Variants in ADGRL3 observed in about 807,000 individuals in gnomAD.
The protein encoded by ADGRL3 is calcium-independent alpha-latrotoxin receptor 3.
A neutral mutation model predicts 153.5 loss-of-function variants in ADGRL3; 62 were observed. That is an observed-to-expected ratio of 0.40 (90% CI 0.33 to 0.50). The LOEUF (loss-of-function observed/expected upper bound fraction) is 0.50. Ranked by LOEUF, ADGRL3 falls within the 20% of genes least tolerant of loss-of-function variation. The probability of loss-of-function intolerance (pLI) is 0.47; values close to 1 mark genes in which losing one functional copy is unlikely to be tolerated. For synonymous variants in ADGRL3, 710 were observed against 672.5 expected, an observed-to-expected ratio of 1.06 and a Z score of -0.86; for missense variants, 1,641 against 1,859.4, an observed-to-expected ratio of 0.88 and a Z score of 2.16.
rs532677002 is a variant in ADGRL3 at position 61,454,321 on chromosome 4, T to C, written c.-173-42800T>C. Among the ~76,000 whole-genome samples the C allele has an allele frequency of 2.6e-5, 4 of 152,308 alleles. No individual in the cohort carries two copies. The South Asian group carries it at 6.2e-4, about 24-fold the overall frequency. The stretch of plus-strand genomic sequence containing the variant: ...AAGAAATATAGGTGCATTTTGATTA[T>C]TGACTTTTTTGTTTGGCTTGTTTTT... On this transcript the variant is annotated intron_variant, in intron 2 of 26. Coordinates refer to ENST00000683033, the MANE Select transcript of ADGRL3 (RefSeq NM_001387552.1).
chr4:62,018,969 G>A (rs545155202), intron 21 of ADGRL3, among the ~76,000 whole-genome samples: 16 of 152,304 alleles, frequency 1.1e-4, no homozygotes, highest in African/African-American at 3.8e-4. Context: ...TTGCGTAGCA[G>A]TGGGCATATG....
intron 9 of ADGRL3, among the ~76,000 whole-genome samples, chr4:61,825,038 G>C (rs1462681102): frequency 1.3e-5 from 2 of 152,024 alleles, no homozygotes; most frequent in African/African-American, 4.8e-5. Flanking sequence ...GAAGCACTTG[G>C]CTCTCTCAAT....
At position 61,265,393 on chromosome 4, in the gene ADGRL3, G is replaced by GCTGTCTCTT. The variant is rs143288875; in HGVS notation, c.-240+63631_-240+63639dup. 1.0e-3 allele frequency among the ~76,000 whole-genome samples: 156 copies of GCTGTCTCTT among 151,938 alleles called. No homozygotes were observed. The East Asian group carries it at 0.028, about 27-fold the overall frequency. Reference sequence around the variant, plus strand: ...GCTGCCATATGCCTGATGATTCTGGGCTGTCTCTTCTAGGTTTTTTATCCA... The same window carrying GCTGTCTCTT: ...GCTGCCATATGCCTGATGATTCTGGGCTGTCTCTTCTGTCTCTTCTAGGTTTTTTATCCA... On this transcript the variant is annotated intron_variant, in intron 1 of 26. Coordinates refer to ENST00000683033, the MANE Select transcript of ADGRL3 (RefSeq NM_001387552.1).
chr4:61,995,002 G>A (rs190998957), intron 19 of ADGRL3, among the ~76,000 whole-genome samples: 67 of 149,738 alleles, frequency 4.5e-4, no homozygotes, highest in Admixed American at 4.3e-3. Flanking sequence ...AGCCTCAACC[G>A]CCTGGGTTTA....
intron 8 of ADGRL3, among the ~76,000 whole-genome samples, chr4:61,756,954 A>G (rs1025008675): frequency 6.6e-6 from 1 of 152,192 alleles, no homozygotes; most frequent in Non-Finnish European, 1.5e-5. Flanking sequence ...CCAGACTTGT[A>G]TCCCAGGGAT....
chr4:61,278,157 A>G (rs1248655831), intron 1 of ADGRL3, among the ~76,000 whole-genome samples: 1 of 152,046 alleles, frequency 6.6e-6, no homozygotes, highest in African/African-American at 2.4e-5. Flanking sequence ...TTAAGAAAAA[A>G]CCTATTATAA....
intron 1 of ADGRL3, among the ~76,000 whole-genome samples, chr4:61,225,405 A>G (rs1370243264): frequency 6.6e-6 from 1 of 152,152 alleles, no homozygotes; most frequent in Non-Finnish European, 1.5e-5. Context: ...TGTTGTGCCA[A>G]TATATAACCT....
chr4:61,758,440 TC>T, intron 8 of ADGRL3, among the ~76,000 whole-genome samples: 1 of 152,228 alleles, frequency 6.6e-6, no homozygotes, highest in East Asian at 1.9e-4. Context: ...TGTAATGTCT[TC>T]CTTTTCTCTT....
intron 2 of ADGRL3, among the ~76,000 whole-genome samples, chr4:61,404,593 G>C (rs1481263935): frequency 6.6e-6 from 1 of 151,856 alleles, no homozygotes; most frequent in Non-Finnish European, 1.5e-5. Flanking sequence ...ACCTCAGGTG[G>C]GTGTGACTGC....
intron 2 of ADGRL3, among the ~76,000 whole-genome samples, chr4:61,449,524 ACTAATTGTGTCTAC>A (rs1228266701): frequency 6.6e-6 from 1 of 152,122 alleles, no homozygotes; most frequent in Non-Finnish European, 1.5e-5. Context: ...GTTTAAAAGT[ACTAATTGTGTCTAC>A]CTATTTATTC....
intron 5 of ADGRL3, among the ~76,000 whole-genome samples, chr4:61,670,600 G>C (rs1395858576): frequency 6.6e-6 from 1 of 152,084 alleles, no homozygotes; most frequent in Admixed American, 6.6e-5. Flanking sequence ...AAACACCAGA[G>C]AGTGAGTAAG....
chr4:61,334,354 A>G (rs929444469), intron 1 of ADGRL3, among the ~76,000 whole-genome samples: 1 of 152,342 alleles, frequency 6.6e-6, no homozygotes, highest in African/African-American at 2.4e-5. Context: ...GGTCCCCTCC[A>G]TCTGGTGAAC....
chr4:61,650,961 G>T (rs2094222573), intron 5 of ADGRL3, among the ~76,000 whole-genome samples: 1 of 151,942 alleles, frequency 6.6e-6, no homozygotes, highest in African/African-American at 2.4e-5. Context: ...TTTGTTGTTG[G>T]ACAAAAATAA....
intron 6 of ADGRL3, among the ~76,000 whole-genome samples, chr4:61,714,651 G>A (rs1327956553): frequency 6.6e-6 from 1 of 152,108 alleles, no homozygotes; most frequent in Non-Finnish European, 1.5e-5. Flanking sequence ...AAGCACTGGG[G>A]AGGAGGAGCT....
intron 9 of ADGRL3, among the ~76,000 whole-genome samples, chr4:61,888,174 CA>C (rs2098550067): frequency 6.6e-6 from 1 of 152,138 alleles, no homozygotes; most frequent in South Asian, 2.1e-4. Flanking sequence ...ACAATGAGCA[CA>C]AAAACAGTGA....
At chr4:61,895,964 C>G (rs1369280753) in intron 11 of ADGRL3, 130 bp downstream of exon 11, 1 of 499,574 alleles carries the variant, frequency 2.0e-6, no homozygotes, top group Non-Finnish European at 3.5e-6. Context: ...TTAATGACAA[C>G]CTCTAATATG....
At chr4:61,540,441 C>A (rs1181523998) in intron 4 of ADGRL3, among the ~76,000 whole-genome samples, 1 of 151,636 alleles carries the variant, frequency 6.6e-6, no homozygotes, top group African/African-American at 2.4e-5. Flanking sequence ...CCCAGCTATC[C>A]GGGAGGCTGA....
At chr4:61,873,344 C>G (rs2098456530) in intron 9 of ADGRL3, among the ~76,000 whole-genome samples, 1 of 152,200 alleles carries the variant, frequency 6.6e-6, no homozygotes, top group African/African-American at 2.4e-5. Flanking sequence ...GTTTCTCTCT[C>G]CAACTTCCCT....
intron 17 of ADGRL3, among the ~76,000 whole-genome samples, chr4:61,961,204 A>G (rs1289985096): frequency 6.6e-6 from 1 of 152,204 alleles, no homozygotes; most frequent in East Asian, 1.9e-4. Flanking sequence ...GGCTACCAAG[A>G]AAAAACACAT....
Sources: gnomAD v4.1 joint callset for allele counts (sites outside exome capture counted in the v4.1 genomes callset) on GRCh38, gnomAD v4.1.1 for gene constraint, MANE v1.5 for transcripts, NCBI Gene and HGNC (gene_info 2026-07-23, HGNC 2026-07-21) for gene names.